Variants in FSTL1 observed in about 807,000 individuals in gnomAD.
FSTL1 encodes the protein follistatin-related protein 1.
A neutral mutation model predicts 45.9 loss-of-function variants in FSTL1; 24 were observed. The ratio of observed to expected loss-of-function variants is 0.52; its 90% CI spans 0.38 to 0.74. The LOEUF (loss-of-function observed/expected upper bound fraction) is 0.74, where lower values mean the gene tolerates loss of function less well. Among genes scored for constraint, FSTL1 ranks in the 30% least tolerant of loss-of-function variants. The pLI is 0.00. For missense variants in FSTL1, 340 were observed against 381.8 expected, an observed-to-expected ratio of 0.89 and a Z score of 0.91; for synonymous variants, 120 against 137.6, an observed-to-expected ratio of 0.87 and a Z score of 0.89.
intron 2 of FSTL1, chr3:120,438,266 T>A (rs548203260): frequency 1.8e-3 from 59 of 32,988 alleles, no homozygotes; most frequent in African/African-American, 2.7e-3. Context: ...TTGTCTTCCC[T>A]TTTTCCCCCC....
Position 120,442,788 on chromosome 3 carries a change from GAAA to G in FSTL1, c.63+7893_63+7895del, listed in dbSNP as rs749297340. Among the ~76,000 whole-genome samples the G allele has an allele frequency of 2.3e-4, 12 of 53,252 alleles. 1 individual carries two copies. The highest frequency in any genetic ancestry group is 8.4e-4 in the African/African-American group (11 of 13,068). The allele number at this position is 53,252 out of a possible 152,430, so 34.9% of individuals were successfully genotyped here. A position where few individuals can be genotyped will look rare whatever the true frequency, so the allele number is the denominator to read the frequency against. Reference sequence around the variant, plus strand: ...ACAGAGCGGACTCCATCTCAAAAAAGAAAAAAAAAAAAAAAAAAAAAAGCAGAC... The same window carrying G: ...ACAGAGCGGACTCCATCTCAAAAAAGAAAAAAAAAAAAAAAAAAAGCAGAC... On this transcript the variant is annotated intron_variant, in intron 2 of 10. Coordinates refer to ENST00000295633, the MANE Select transcript of FSTL1 (RefSeq NM_007085.5).
intron 4 of FSTL1, 129 bp from the exon 5 acceptor site, chr3:120,411,113 A>G (rs978636952): frequency 3.2e-5 from 21 of 649,628 alleles, no homozygotes; most frequent in Admixed American, 8.6e-5. Context: ...TTTGTCTTGA[A>G]TCCTTTCCCT....
chr3:120,409,398 T>C (rs1181353396), intron 6 of FSTL1, 134 bp downstream of exon 6: 2 of 777,196 alleles, frequency 2.6e-6, no homozygotes, highest in Admixed American at 2.3e-5. Context: ...TCATGAATGA[T>C]CTATGATGAG....
chr3:120,403,518 T>C (rs1576207944), intron 7 of FSTL1, among the ~76,000 whole-genome samples, 164 bp from the exon 8 acceptor site: 1 of 152,288 alleles, frequency 6.6e-6, no homozygotes, highest in South Asian at 2.1e-4. Flanking sequence ...ACAACTATTA[T>C]CCATCCTGAC....
At chr3:120,397,027 G>A (rs1936715913) in intron 10 of FSTL1, 31 bp from the exon 11 acceptor site, 3 of 1,552,508 alleles carry the variant, frequency 1.9e-6, no homozygotes, top group Non-Finnish European at 8.9e-7. Flanking sequence ...TAGGCGTCAT[G>A]GAAATATTAA....
chr3:120,431,952 G>A (rs1189259681), intron 2 of FSTL1, among the ~76,000 whole-genome samples: 1 of 152,170 alleles, frequency 6.6e-6, no homozygotes, highest in Non-Finnish European at 1.5e-5. Context: ...CTGTGGACAA[G>A]TCATTTCACC....
At chr3:120,424,375 T>C (rs55871500) in intron 2 of FSTL1, among the ~76,000 whole-genome samples, 2 of 152,112 alleles carry the variant, frequency 1.3e-5, no homozygotes, top group Non-Finnish European at 2.9e-5. Flanking sequence ...TCTAACCTAG[T>C]TGAGCTGATG....
At chr3:120,449,435 A>C (rs145661374) in intron 2 of FSTL1, among the ~76,000 whole-genome samples, 196 of 152,302 alleles carry the variant, frequency 1.3e-3, no homozygotes, top group Middle Eastern at 0.01. Context: ...TTTGGGTTCA[A>C]ATCCCACCCT....
At position 120,443,539 on chromosome 3, in the gene FSTL1, C is replaced by A. The variant is rs1937670593; in HGVS notation, c.63+7145G>T. The stretch of plus-strand genomic sequence containing the variant: ...TTGCCTCAGACATAGGATTTTAAAT[C>A]TTGAAACAACAAAAAGTATAGAAAG... On this transcript the variant is annotated intron_variant, in intron 2 of 10. Transcript: ENST00000295633. 2.7e-5 allele frequency among the ~76,000 whole-genome samples: 4 copies of A among 149,796 alleles called. 1 individual carries two copies. Among genetic ancestry groups the A allele is most frequent in the South Asian group, 2.1e-4 (1 of 4,830 alleles).
At chr3:120,399,739 T>G (rs114167955) in intron 10 of FSTL1, 144 bp downstream of exon 10, 2 of 616,302 alleles carry the variant, frequency 3.2e-6, no homozygotes, top group African/African-American at 3.7e-5. Context: ...AGTTTGATAG[T>G]ACAGGTGATG....
rs1259505970 is a variant in FSTL1 at position 120,445,413 on chromosome 3, A to G, written c.63+5271T>C. 1.3e-5 allele frequency among the ~76,000 whole-genome samples: 2 copies of G among 149,550 alleles called. 1 individual carries two copies. The highest frequency in any genetic ancestry group is 5.1e-5 in the African/African-American group (2 of 38,910). ...TGGGCTAGACACCAAGAGAAGAGACAGATTAAAAGATAGCCATCTTTGGGC... is the reference window on the plus strand; with the variant it reads ...TGGGCTAGACACCAAGAGAAGAGACGGATTAAAAGATAGCCATCTTTGGGC... On this transcript the variant is annotated intron_variant, in intron 2 of 10. Coordinates refer to ENST00000295633, the MANE Select transcript of FSTL1 (RefSeq NM_007085.5).
intron 7 of FSTL1, among the ~76,000 whole-genome samples, chr3:120,403,940 A>AAAACC (rs1936887081): frequency 2.3e-5 from 2 of 85,666 alleles, no homozygotes; most frequent in Non-Finnish European, 5.9e-5. Context: ...AAAAAAAAAA[A>AAAACC]AAAACAAAAA....
chr3:120,429,461 G>C (rs1937440548), intron 2 of FSTL1, among the ~76,000 whole-genome samples: 1 of 152,218 alleles, frequency 6.6e-6, no homozygotes, highest in African/African-American at 2.4e-5. Context: ...CCTAAACTGT[G>C]ACACATGGTC....
At chr3:120,405,378 G>A (rs1298246011) in intron 6 of FSTL1, among the ~76,000 whole-genome samples, 1 of 152,178 alleles carries the variant, frequency 6.6e-6, no homozygotes. Flanking sequence ...TCTGTAGCAG[G>A]TCCCAGAATA....
At chr3:120,447,633 C>T (rs13326852) in intron 2 of FSTL1, among the ~76,000 whole-genome samples, 37,647 of 152,048 alleles carry the variant, frequency 0.25, 5,599 homozygotes, top group African/African-American at 0.42. Flanking sequence ...AACAATATGA[C>T]ACTTTGCTTA....
Position 120,415,056 on chromosome 3 carries a change from C to T in FSTL1, c.168+867G>A, listed in dbSNP as rs185460963. Among the ~76,000 whole-genome samples the T allele has an allele frequency of 7.0e-3, 1,051 of 149,414 alleles. 5 individuals are homozygous for T. Among genetic ancestry groups the T allele is most frequent in the Non-Finnish European group, 9.7e-3 (655 of 67,486 alleles). ...TAGCTCTATTTAGAGATCTCTGCAACGTTCTTTTAATTTCTAAATTATTGC... is the reference window on the plus strand; with the variant it reads ...TAGCTCTATTTAGAGATCTCTGCAATGTTCTTTTAATTTCTAAATTATTGC... On this transcript the variant is annotated intron_variant, in intron 3 of 10. Coordinates refer to ENST00000295633, the MANE Select transcript of FSTL1 (RefSeq NM_007085.5).
At chr3:120,444,265 A>C (rs1239701016) in intron 2 of FSTL1, among the ~76,000 whole-genome samples, 1 of 149,794 alleles carries the variant, frequency 6.7e-6, no homozygotes, top group East Asian at 1.9e-4. Context: ...AGATGTGTCA[A>C]TGTTTGTCAA....
At chr3:120,409,806 G>C in intron 5 of FSTL1, 144 bp from the exon 6 acceptor site, 3 of 571,194 alleles carry the variant, frequency 5.3e-6, no homozygotes, top group Non-Finnish European at 8.9e-6. Context: ...GCACATCCAG[G>C]GTACACAACT....
At chr3:120,398,787 C>A (rs932256526) in intron 10 of FSTL1, among the ~76,000 whole-genome samples, 22 of 152,220 alleles carry the variant, frequency 1.4e-4, no homozygotes, top group Non-Finnish European at 1.9e-4. Context: ...CTATAATTCA[C>A]TCTGTACTGT....
Sources: gnomAD v4.1 joint callset for allele counts (sites outside exome capture counted in the v4.1 genomes callset) on GRCh38, gnomAD v4.1.1 for gene constraint, MANE v1.5 for transcripts, NCBI Gene and HGNC (gene_info 2026-07-23, HGNC 2026-07-21) for gene names.